Variants in SAMMSON observed in about 807,000 individuals in gnomAD.
SAMMSON encodes the protein survival associated mitochondrial melanoma specific oncogenic non-coding RNA, also known as long intergenic non-protein coding RNA 1212.
chr3:70,059,487 A>G (rs2067179649), intron 3 of SAMMSON, among the ~76,000 whole-genome samples: 2 of 152,130 alleles, frequency 1.3e-5, no homozygotes, highest in African/African-American at 2.4e-5. Context: ...ACCAGGGGGA[A>G]CTAATCATGT....
intron 2 of SAMMSON, among the ~76,000 whole-genome samples, chr3:70,403,710 C>G (rs1371258106): frequency 6.6e-6 from 1 of 152,160 alleles, no homozygotes; most frequent in Non-Finnish European, 1.5e-5. Context: ...AAATTGTTTT[C>G]TGACTCCTCC....
chr3:70,012,972 C>T (rs565574137), intron 2 of SAMMSON, among the ~76,000 whole-genome samples: 1 of 152,252 alleles, frequency 6.6e-6, no homozygotes, highest in African/African-American at 2.4e-5. Flanking sequence ...GATCAATAAT[C>T]TACTATCCAG....
At chr3:70,386,427 G>C (rs1347289195) in intron 9 of SAMMSON, among the ~76,000 whole-genome samples, 2 of 152,036 alleles carry the variant, frequency 1.3e-5, no homozygotes, top group Non-Finnish European at 2.9e-5. Context: ...TAGTTTTTAA[G>C]TATGTAAAAT....
intron 4 of SAMMSON, among the ~76,000 whole-genome samples, chr3:70,214,568 A>G (rs1375484760): frequency 6.7e-6 from 1 of 149,654 alleles, no homozygotes; most frequent in Non-Finnish European, 1.5e-5. Flanking sequence ...CTTCCCCAAC[A>G]CCTGCAAAGC....
chr3:70,395,625 G>T (rs779476488), intron 2 of SAMMSON, among the ~76,000 whole-genome samples: 2 of 152,016 alleles, frequency 1.3e-5, no homozygotes, highest in Non-Finnish European at 2.9e-5. Flanking sequence ...TAAACTTTTT[G>T]TGACAACCCC....
At chr3:70,270,474 T>A (rs753200292) in intron 6 of SAMMSON, among the ~76,000 whole-genome samples, 1 of 152,222 alleles carries the variant, frequency 6.6e-6, no homozygotes, top group Non-Finnish European at 1.5e-5. Context: ...TGACAGTGGC[T>A]ACCTCTCATT....
intron 6 of SAMMSON, among the ~76,000 whole-genome samples, chr3:70,279,487 A>T (rs1702059888): frequency 6.6e-6 from 1 of 151,994 alleles, no homozygotes; most frequent in Non-Finnish European, 1.5e-5. Context: ...CCACACACAA[A>T]TCTTGTGCAC....
intron 6 of SAMMSON, among the ~76,000 whole-genome samples, chr3:70,273,303 C>A (rs2106673821): frequency 6.6e-6 from 1 of 152,292 alleles, no homozygotes; most frequent in Admixed American, 6.5e-5. Context: ...CTGAAGACTA[C>A]TCTAAGGAAA....
intron 7 of SAMMSON, among the ~76,000 whole-genome samples, chr3:70,306,170 C>T (rs772687412): frequency 1.3e-5 from 2 of 152,106 alleles, no homozygotes; most frequent in Non-Finnish European, 2.9e-5. Flanking sequence ...ATGGCGTGGT[C>T]TCAGCTCACT....
intron 2 of SAMMSON, among the ~76,000 whole-genome samples, chr3:70,427,737 C>CAAA (rs34837077): frequency 0.011 from 1,168 of 102,742 alleles, 13 homozygotes; most frequent in African/African-American, 0.022. Flanking sequence ...AACTCCGTCT[C>CAAA]AAAAAAAAAA....
chr3:70,063,969 T>C (rs2067200383), intron 3 of SAMMSON, among the ~76,000 whole-genome samples: 1 of 152,102 alleles, frequency 6.6e-6, no homozygotes, highest in Non-Finnish European at 1.5e-5. Context: ...AGTCCTCAGA[T>C]CTCACCTCCT....
chr3:70,251,326 C>G (rs889001140), intron 6 of SAMMSON, among the ~76,000 whole-genome samples: 5 of 152,136 alleles, frequency 3.3e-5, no homozygotes, highest in Admixed American at 3.3e-4. Context: ...AGTCTTCAGT[C>G]TTCATTTTCT....
chr3:70,405,550 T>A (rs1487139025), intron 2 of SAMMSON, among the ~76,000 whole-genome samples: 1 of 152,024 alleles, frequency 6.6e-6, no homozygotes, highest in Non-Finnish European at 1.5e-5. Context: ...ATCTAAAAAC[T>A]AAAATAACAG....
intron 7 of SAMMSON, among the ~76,000 whole-genome samples, chr3:70,294,066 A>C (rs1238178679): frequency 6.6e-6 from 1 of 152,140 alleles, no homozygotes; most frequent in East Asian, 1.9e-4. Context: ...GCTTGGCTTT[A>C]TAAAGACATG....
chr3:70,171,457 A>G (rs1700949603), intron 4 of SAMMSON, among the ~76,000 whole-genome samples: 1 of 151,928 alleles, frequency 6.6e-6, no homozygotes, highest in South Asian at 2.1e-4. Flanking sequence ...CATACTGTTC[A>G]GAGAATTTAT....
chr3:70,347,082 G>A (rs1404368775), intron 7 of SAMMSON, among the ~76,000 whole-genome samples: 1 of 152,178 alleles, frequency 6.6e-6, no homozygotes, highest in Non-Finnish European at 1.5e-5. Flanking sequence ...ATTGCAACAT[G>A]CTAAAATAAG....
At chr3:70,125,888 A>G in intron 4 of SAMMSON, 1 of 691,120 alleles carries the variant, frequency 1.4e-6, no homozygotes, top group Non-Finnish European at 2.6e-6. Flanking sequence ...TCATCTTCTA[A>G]TTCTTCACTA....
At chr3:70,244,385 T>A (rs571207631) in intron 4 of SAMMSON, among the ~76,000 whole-genome samples, 1 of 152,350 alleles carries the variant, frequency 6.6e-6, no homozygotes, top group Admixed American at 6.5e-5. Flanking sequence ...GGCAGTCTTA[T>A]GGGCCTGTCA....
At chr3:70,051,368 T>C (rs544368309) in intron 3 of SAMMSON, among the ~76,000 whole-genome samples, 1 of 149,584 alleles carries the variant, frequency 6.7e-6, no homozygotes, top group South Asian at 2.1e-4. Context: ...CAGAGTAGCA[T>C]TGTTTAATGA....
Sources: gnomAD v4.1 joint callset for allele counts (sites outside exome capture counted in the v4.1 genomes callset) on GRCh38, gnomAD v4.1.1 for gene constraint, MANE v1.5 for transcripts, NCBI Gene and HGNC (gene_info 2026-07-23, HGNC 2026-07-21) for gene names.